Variants in TBC1D19 observed in about 807,000 individuals in gnomAD.
TBC1D19 encodes TBC1 domain family, member 19.
A neutral mutation model predicts 89.0 loss-of-function variants in TBC1D19; 60 were observed. The observed-to-expected ratio is 0.67, with a 90% CI of 0.55 to 0.84. TBC1D19 has a LOEUF of 0.84. TBC1D19 is among the 40% of genes least tolerant of loss of function. TBC1D19 has a pLI of 0.00. For missense variants in TBC1D19, 500 were observed against 610.8 expected, an observed-to-expected ratio of 0.82 and a Z score of 1.91; for synonymous variants, 189 against 199.7, an observed-to-expected ratio of 0.95 and a Z score of 0.45.
At chr4:26,663,500 T>TA (rs1711521558) in intron 8 of TBC1D19, among the ~76,000 whole-genome samples, 1 of 152,096 alleles carries the variant, frequency 6.6e-6, no homozygotes, top group Non-Finnish European at 1.5e-5. Context: ...GTTTGCTAGG[T>TA]AAAAAAGCAG....
intron 13 of TBC1D19, among the ~76,000 whole-genome samples, chr4:26,715,303 ACATGTT>A: frequency 6.6e-6 from 1 of 151,686 alleles, no homozygotes; most frequent in Non-Finnish European, 1.5e-5. Context: ...TTCAACTTCC[ACATGTT>A]ACTCTCCTTG....
chr4:26,757,064 A>T (rs765244180), downstream of TBC1D19, among the ~76,000 whole-genome samples: 1 of 151,560 alleles, frequency 6.6e-6, no homozygotes, highest in Non-Finnish European at 1.5e-5. Context: ...CCCAGGCTGG[A>T]GTGCAGTGAT....
the TBC1D19 span, among the ~76,000 whole-genome samples, chr4:26,849,203 C>CAA: frequency 5.4e-4 from 5 of 9,340 alleles, no homozygotes; most frequent in Non-Finnish European, 3.7e-4. Context: ...CACACACAAA[C>CAA]ACACACACAC....
chr4:26,768,804 A>T, the TBC1D19 span, among the ~76,000 whole-genome samples: 1 of 152,072 alleles, frequency 6.6e-6, no homozygotes. Flanking sequence ...AAATAAAATA[A>T]TAAAAAGATA....
the TBC1D19 span, among the ~76,000 whole-genome samples, chr4:26,840,948 C>A: frequency 6.6e-6 from 1 of 152,276 alleles, no homozygotes; most frequent in Non-Finnish European, 1.5e-5. Flanking sequence ...CACTCTCCTC[C>A]TCTAACCCTT....
At chr4:26,811,716 C>T in the TBC1D19 span, among the ~76,000 whole-genome samples, 1 of 152,214 alleles carries the variant, frequency 6.6e-6, no homozygotes, top group Non-Finnish European at 1.5e-5. Flanking sequence ...ATATGCTAAA[C>T]AAGGAGTGGG....
At chr4:26,771,543 A>G in the TBC1D19 span, among the ~76,000 whole-genome samples, 1 of 152,250 alleles carries the variant, frequency 6.6e-6, no homozygotes, top group African/African-American at 2.4e-5. Flanking sequence ...TGATGACATT[A>G]TACTATGTGA....
intron 7 of TBC1D19, among the ~76,000 whole-genome samples, chr4:26,651,626 G>T (rs1198990074): frequency 6.6e-6 from 1 of 152,120 alleles, no homozygotes; most frequent in Admixed American, 6.5e-5. Flanking sequence ...AGACGATGGG[G>T]TTTTCTAGAT....
At chr4:26,817,488 A>G in the TBC1D19 span, among the ~76,000 whole-genome samples, 1 of 151,966 alleles carries the variant, frequency 6.6e-6, no homozygotes. Context: ...AACTTTTTTT[A>G]CAACTCACTT....
chr4:26,620,561 A>T, intron 3 of TBC1D19, 52 bp from the exon 4 acceptor site: 1 of 1,488,052 alleles, frequency 6.7e-7, no homozygotes, highest in Non-Finnish European at 9.3e-7. Context: ...GGTAAGTAAT[A>T]TCTAACCAAG....
At chr4:26,851,327 A>ATCTGTCTT in the TBC1D19 span, among the ~76,000 whole-genome samples, 1 of 118,814 alleles carries the variant, frequency 8.4e-6, no homozygotes, top group Non-Finnish European at 1.8e-5. Flanking sequence ...CTATCTATCT[A>ATCTGTCTT]TCTATCTATC....
chr4:26,753,273 T>C (rs1719075251), intron 19 of TBC1D19, among the ~76,000 whole-genome samples: 1 of 152,220 alleles, frequency 6.6e-6, no homozygotes, highest in South Asian at 2.1e-4. Flanking sequence ...CTGTATAACG[T>C]TTCAGAAGTC....
At chr4:26,827,342 C>G in the TBC1D19 span, among the ~76,000 whole-genome samples, 1 of 152,230 alleles carries the variant, frequency 6.6e-6, no homozygotes, top group Non-Finnish European at 1.5e-5. Context: ...CAGTGACTCA[C>G]GCCTGCAATC....
intron 4 of TBC1D19, among the ~76,000 whole-genome samples, chr4:26,622,533 A>G (rs1282854710): frequency 1.3e-5 from 2 of 152,094 alleles, no homozygotes; most frequent in Non-Finnish European, 2.9e-5. Flanking sequence ...GGACTTTCCC[A>G]TGTATATCAC....
intron 7 of TBC1D19, among the ~76,000 whole-genome samples, chr4:26,650,057 G>A (rs1203339063): frequency 3.9e-5 from 6 of 152,064 alleles, no homozygotes; most frequent in African/African-American, 1.4e-4. Flanking sequence ...ATTTTTTATG[G>A]CTGCATAGTA....
At chr4:26,608,135 T>TA (rs1213767546) in intron 1 of TBC1D19, among the ~76,000 whole-genome samples, 2 of 152,244 alleles carry the variant, frequency 1.3e-5, no homozygotes, top group East Asian at 3.8e-4. Context: ...TTTTAGGATT[T>TA]ATCTCAAAAT....
At chr4:26,711,254 T>C (rs1362842135) in intron 13 of TBC1D19, among the ~76,000 whole-genome samples, 1 of 152,124 alleles carries the variant, frequency 6.6e-6, no homozygotes, top group Non-Finnish European at 1.5e-5. Context: ...GCTAGCCAGT[T>C]TTCCCAGCAC....
chr4:26,799,816 G>T, the TBC1D19 span, among the ~76,000 whole-genome samples: 2 of 152,110 alleles, frequency 1.3e-5, no homozygotes, highest in Non-Finnish European at 2.9e-5. Context: ...ACTCTAAAAT[G>T]TTTTATTGTA....
intron 18 of TBC1D19, among the ~76,000 whole-genome samples, chr4:26,742,915 C>T (rs539158353): frequency 3.9e-5 from 6 of 152,190 alleles, no homozygotes; most frequent in Non-Finnish European, 7.4e-5. Context: ...GAAACAAATA[C>T]TACCTGAGAA....
Sources: allele counts gnomAD v4.1 joint callset (sites outside exome capture counted in the v4.1 genomes callset), GRCh38; gene constraint gnomAD v4.1.1; transcripts MANE v1.5; gene names NCBI Gene and HGNC (gene_info 2026-07-23, HGNC 2026-07-21).